Variants in HEPH observed in about 807,000 individuals in gnomAD.
The protein encoded by HEPH is hephaestin.
In HEPH, 69 loss-of-function variants were observed where a neutral mutation model predicts 80.8. The observed-to-expected ratio is 0.85, with a 90% CI of 0.70 to 1.04. The LOEUF is 1.04. Among genes scored for constraint, HEPH ranks in the 50% least tolerant of loss-of-function variants. The probability of loss-of-function intolerance (pLI) is 0.00; values close to 1 mark genes in which losing one functional copy is unlikely to be tolerated. For synonymous variants in HEPH, 431 were observed against 322.8 expected (o/e 1.34, Z -3.60); for missense variants, 1,115 against 891.3 (o/e 1.25, Z -3.20).
At position 66,180,698 on chromosome X, in the gene HEPH, T is replaced by G. The variant is rs1403731648; in HGVS notation, c.625+6897T>G. 1.6e-3 allele frequency among the ~76,000 whole-genome samples: 168 copies of G among 103,704 alleles called. 2 individuals carry two copies. Among genetic ancestry groups the G allele is most frequent in the African/African-American group, 5.6e-3 (160 of 28,382 alleles). 90.1% of individuals were successfully genotyped at this position (103,704 alleles called of 115,157 possible). A position where few individuals can be genotyped will look rare whatever the true frequency, so the allele number is the denominator to read the frequency against. ...TGTTTGTACAGCTGTGTGAATTTTTTTTTTTTTTTTAATTATACTCTAAGT... is the reference window on the plus strand; with the variant it reads ...TGTTTGTACAGCTGTGTGAATTTTTGTTTTTTTTTTAATTATACTCTAAGT... On this transcript the variant is annotated intron_variant, in intron 4 of 20. Transcript: ENST00000343002.
At chrX:66,229,305 C>T (rs1467418558) in intron 15 of HEPH, among the ~76,000 whole-genome samples, 3 of 111,899 alleles carry the variant, frequency 2.7e-5, no homozygotes, top group Non-Finnish European at 5.6e-5. Context: ...TTTGCAGCAA[C>T]CTGGATGGAA....
chrX:66,241,823 G>A (rs941719269), intron 15 of HEPH, among the ~76,000 whole-genome samples: 1 of 110,966 alleles, frequency 9.0e-6, no homozygotes. Flanking sequence ...GGTGGAGGAT[G>A]TCTGTAACAG....
At chrX:66,249,143 C>T (rs1306150762) in intron 15 of HEPH, among the ~76,000 whole-genome samples, 1 of 111,015 alleles carries the variant, frequency 9.0e-6, no homozygotes, top group African/African-American at 3.3e-5. Context: ...CTCTGAGGCT[C>T]AAGGGCTTGG....
chrX:66,227,795 A>G (rs1379048795), intron 15 of HEPH, among the ~76,000 whole-genome samples: 1 of 111,036 alleles, frequency 9.0e-6, no homozygotes, highest in East Asian at 2.8e-4. Context: ...TTTGGTGACT[A>G]TGGCCTTATA....
chrX:66,255,542 A>G (rs781223543), intron 16 of HEPH, among the ~76,000 whole-genome samples: 2 of 111,985 alleles, frequency 1.8e-5, no homozygotes, highest in South Asian at 3.8e-4. Flanking sequence ...TCTCATCTGG[A>G]AAATGGATTT....
chrX:66,202,048 G>T (rs1483423888), intron 12 of HEPH, among the ~76,000 whole-genome samples: 1 of 111,710 alleles, frequency 9.0e-6, no homozygotes, highest in African/African-American at 3.3e-5. Flanking sequence ...GATATAAAGT[G>T]CATTAGAGGT....
chrX:66,249,379 C>T (rs1169402860), intron 15 of HEPH, among the ~76,000 whole-genome samples: 1 of 111,762 alleles, frequency 8.9e-6, no homozygotes, highest in African/African-American at 3.3e-5. Flanking sequence ...ATTTTAAGTG[C>T]TATGCAAGTT....
chrX:66,170,320 G>A, intron 1 of HEPH: 1 of 311,750 alleles, frequency 3.2e-6, no homozygotes, highest in Non-Finnish European at 5.7e-6. Context: ...CTCTTCTGAA[G>A]GAACTAGTAA....
rs775402272 is a variant in HEPH at position 66,196,832 on chromosome X, A to G, written c.1502-851A>G. 4.5e-5 allele frequency among the ~76,000 whole-genome samples: 5 copies of G among 110,326 alleles called. No homozygotes were observed. The East Asian group carries it at 1.4e-3, about 31-fold the overall frequency. On this transcript the variant is annotated intron_variant, in intron 9 of 20. Coordinates refer to ENST00000343002, the MANE Select transcript of HEPH (RefSeq NM_001367233.3). ...ATGTTGAACATTCAGTATTTATTGC[A>G]TATATTATTCTACTTGTGCATATGA...
chrX:66,229,542 C>T (rs149130378), intron 15 of HEPH, among the ~76,000 whole-genome samples: 80 of 111,634 alleles, frequency 7.2e-4, no homozygotes, highest in African/African-American at 2.6e-3. Context: ...TATCAGAAAT[C>T]ACCACTAAAG....
In HEPH at chrX:66,266,729, C is replaced by A; in HGVS notation, c.*57C>A. On this transcript the variant is annotated 3_prime_UTR_variant, in exon 21 of 21. Coordinates refer to ENST00000343002, the MANE Select transcript of HEPH (RefSeq NM_001367233.3). ...ACATCTGTAGTGCACTCCCAGCAGGCCATGGACTAGTCACTAACCCCACAC... is the reference window on the plus strand; with the variant it reads ...ACATCTGTAGTGCACTCCCAGCAGGACATGGACTAGTCACTAACCCCACAC... The A allele has an allele frequency of 1.2e-6, 1 of 845,070 alleles. No homozygotes were observed. Among genetic ancestry groups the A allele is most frequent in the Non-Finnish European group, 1.7e-6 (1 of 580,568 alleles). 69.6% of individuals were successfully genotyped at this position (845,070 alleles called of 1,213,427 possible). A position where few individuals can be genotyped will look rare whatever the true frequency, so the allele number is the denominator to read the frequency against.
rs192754147 is a variant in HEPH, at chrX:66,242,928, T to A, written c.2564-12107T>A. On this transcript the variant is annotated intron_variant, in intron 15 of 20. Coordinates refer to ENST00000343002, the MANE Select transcript of HEPH (RefSeq NM_001367233.3). ...CACTGCTGGCAGAAATGTAAATTAGTTTAGTCACTGTGGAAAGCAGTTTGA... is the reference window on the plus strand; with the variant it reads ...CACTGCTGGCAGAAATGTAAATTAGATTAGTCACTGTGGAAAGCAGTTTGA... 9.8e-5 allele frequency among the ~76,000 whole-genome samples: 11 copies of A among 111,966 alleles called. No homozygotes were observed. In the East Asian group the frequency reaches 2.8e-3, roughly 29 times the overall value.
chrX:66,228,318 T>A (rs1602425713), intron 15 of HEPH, among the ~76,000 whole-genome samples: 1 of 112,729 alleles, frequency 8.9e-6, no homozygotes, highest in East Asian at 2.8e-4. Flanking sequence ...GGAGCTACAA[T>A]TCAAGATGAG....
intron 11 of HEPH, among the ~76,000 whole-genome samples, chrX:66,200,238 A>G (rs2088353398): frequency 1.5e-5 from 1 of 65,487 alleles, no homozygotes; most frequent in South Asian, 5.0e-4. Flanking sequence ...AATAGGAGAG[A>G]TTGGTGTGTG....
At chrX:66,264,146 A>T (rs1166488900) in intron 20 of HEPH, among the ~76,000 whole-genome samples, 1 of 109,470 alleles carries the variant, frequency 9.1e-6, no homozygotes, top group Non-Finnish European at 1.9e-5. Flanking sequence ...CCTATTAAGT[A>T]CAACGTACAC....
intron 7 of HEPH, among the ~76,000 whole-genome samples, chrX:66,192,544 G>C (rs2087859229): frequency 9.0e-6 from 1 of 111,526 alleles, no homozygotes; most frequent in Admixed American, 9.5e-5. Context: ...AACAGAGTTT[G>C]AAGTTGGTCC....
chrX:66,209,391 G>A (rs780320624), intron 15 of HEPH, among the ~76,000 whole-genome samples: 2 of 112,031 alleles, frequency 1.8e-5, no homozygotes, highest in Non-Finnish European at 3.8e-5. Context: ...TTCAGTAGGT[G>A]TGTGATGGAG....
At chrX:66,162,861 A>G, upstream of HEPH, 2 of 1,154,374 alleles carry the variant, frequency 1.7e-6, no homozygotes, top group Non-Finnish European at 1.1e-6. Flanking sequence ...CCTAGCCAAG[A>G]TCTCCTCATC....
chrX:66,255,569 A>G (rs1246232200), intron 16 of HEPH, among the ~76,000 whole-genome samples: 2 of 111,876 alleles, frequency 1.8e-5, no homozygotes, highest in Non-Finnish European at 3.8e-5. Flanking sequence ...CTAGCCATCC[A>G]TCTACAGCCA....
Sources: gnomAD v4.1 joint callset for allele counts (sites outside exome capture counted in the v4.1 genomes callset) on GRCh38, gnomAD v4.1.1 for gene constraint, MANE v1.5 for transcripts, NCBI Gene and HGNC (gene_info 2026-07-23, HGNC 2026-07-21) for gene names.